Variants in GAS2L3 observed in about 807,000 individuals in gnomAD.
The protein encoded by GAS2L3 is GAS2-like protein 3.
GAS2L3 carries 28 observed loss-of-function variants against 37.0 expected under a neutral mutation model. The observed-to-expected ratio is 0.76, with a 90% CI of 0.56 to 1.04. The LOEUF is 1.04. Ranked by LOEUF, GAS2L3 falls within the 50% of genes least tolerant of loss-of-function variation. GAS2L3 has a pLI of 0.00. For missense variants in GAS2L3, 793 were observed against 817.6 expected, an observed-to-expected ratio of 0.97 and a Z score of 0.37; for synonymous variants, 290 against 296.6, an observed-to-expected ratio of 0.98 and a Z score of 0.23.
chr12:100,586,277 C>T (rs1425163644), intron 1 of GAS2L3, among the ~76,000 whole-genome samples: 1 of 152,192 alleles, frequency 6.6e-6, no homozygotes, highest in Non-Finnish European at 1.5e-5. Context: ...ACAGAATACA[C>T]ATTCTGTTCA....
chr12:100,616,831 A>G (rs999053644), intron 6 of GAS2L3, among the ~76,000 whole-genome samples: 1 of 152,144 alleles, frequency 6.6e-6, no homozygotes, highest in African/African-American at 2.4e-5. Flanking sequence ...CATAAATGCC[A>G]TGGCTACATC....
At chr12:100,621,982 G>A (rs774028045) in intron 8 of GAS2L3, among the ~76,000 whole-genome samples, 11 of 151,716 alleles carry the variant, frequency 7.3e-5, no homozygotes, top group South Asian at 6.2e-4. Flanking sequence ...CTGAAACCTG[G>A]CTCTGCTACT....
rs554208513 is a variant in GAS2L3, at chr12:100,625,357, C to T, written c.*467C>T. On this transcript the variant is annotated 3_prime_UTR_variant, in exon 10 of 10. Transcript: ENST00000547754. ...TTTGGCACTTGTCCTACAAAAGGCA[C>T]CTAATTTAATTTTCTGATCAGGATT... The T allele has an allele frequency of 6.5e-6, 1 of 153,704 alleles. No homozygotes were observed. Among genetic ancestry groups the T allele is most frequent in the Admixed American group, 6.4e-5 (1 of 15,662 alleles). The allele number at this position is 153,704 out of a possible 1,614,324, so 9.5% of individuals were successfully genotyped here.
intron 1 of GAS2L3, among the ~76,000 whole-genome samples, chr12:100,585,587 T>C (rs1027298511): frequency 6.6e-6 from 1 of 152,172 alleles, no homozygotes; most frequent in Non-Finnish European, 1.5e-5. Context: ...ATGCTGTGTA[T>C]CCAGCTTCAG....
At chr12:100,601,178 C>T (rs1049463430) in intron 4 of GAS2L3, among the ~76,000 whole-genome samples, 2 of 152,000 alleles carry the variant, frequency 1.3e-5, no homozygotes, top group Admixed American at 1.3e-4. Flanking sequence ...CAAATACCCA[C>T]TGTAGTTGTC....
At chr12:100,584,286 A>G (rs1955750549) in intron 1 of GAS2L3, among the ~76,000 whole-genome samples, 1 of 152,196 alleles carries the variant, frequency 6.6e-6, no homozygotes, top group Non-Finnish European at 1.5e-5. Context: ...GCTACTAGAA[A>G]GAGGTGAATC....
rs1039513176 is a variant in GAS2L3 at position 100,585,546 on chromosome 12, A to T, written c.-151-6190A>T. Among the ~76,000 whole-genome samples, 32 of 151,866 alleles carry T rather than the reference A, an allele frequency of 2.1e-4. 1 individual carries two copies. Among genetic ancestry groups the T allele is most frequent in the Admixed American group, 2.0e-3 (30 of 15,262 alleles). ...TGAGATTACAGGCGTGAGCCACCACACCCAGCCAACACAGCACTCTTGACC... is the reference window on the plus strand; with the variant it reads ...TGAGATTACAGGCGTGAGCCACCACTCCCAGCCAACACAGCACTCTTGACC... On this transcript the variant is annotated intron_variant, in intron 1 of 9. Transcript: ENST00000547754.
At chr12:100,622,847 C>A (rs1026184281) in intron 9 of GAS2L3, among the ~76,000 whole-genome samples, 2 of 132,424 alleles carry the variant, frequency 1.5e-5, no homozygotes, top group Non-Finnish European at 3.1e-5. Flanking sequence ...AAATATTTTT[C>A]TCATTGACAC....
At chr12:100,586,233 G>A (rs559601858) in intron 1 of GAS2L3, among the ~76,000 whole-genome samples, 1 of 152,246 alleles carries the variant, frequency 6.6e-6, no homozygotes, top group Admixed American at 6.5e-5. Flanking sequence ...GGACTTAACA[G>A]ATATATACAG....
At chr12:100,586,034 G>A (rs372573146) in intron 1 of GAS2L3, among the ~76,000 whole-genome samples, 7 of 151,768 alleles carry the variant, frequency 4.6e-5, no homozygotes, top group Admixed American at 2.0e-4. Context: ...TCTCTTCCTC[G>A]GATTTCCTTT....
At chr12:100,577,100 C>T (rs1033560903) in intron 1 of GAS2L3, among the ~76,000 whole-genome samples, 2 of 152,182 alleles carry the variant, frequency 1.3e-5, no homozygotes. Context: ...TTTAGAAAAG[C>T]ACTGTGATCC....
intron 4 of GAS2L3, 73 bp downstream of exon 4, chr12:100,600,623 T>A: frequency 8.4e-7 from 1 of 1,184,592 alleles, no homozygotes; most frequent in Non-Finnish European, 1.2e-6. Flanking sequence ...TTACTCTTTG[T>A]CAAGGAGTGA....
In GAS2L3 at chr12:100,587,176, G is replaced by C. The variant is rs1955791613; in HGVS notation, c.-151-4560G>C. On this transcript the variant is annotated intron_variant, in intron 1 of 9. Transcript: ENST00000547754. Reference sequence around the variant, plus strand: ...AAGAAGAATTGGTACCAATCCTTTTGACACAATTCCACAAGATAGAGAAAG... The same window carrying C: ...AAGAAGAATTGGTACCAATCCTTTTCACACAATTCCACAAGATAGAGAAAG... Among the ~76,000 whole-genome samples the C allele has an allele frequency of 2.0e-5, 3 of 152,202 alleles. No individual in the cohort carries two copies. The East Asian group carries it at 5.8e-4, about 29-fold the overall frequency.
At chr12:100,615,754 C>T (rs1041763006) in intron 6 of GAS2L3, among the ~76,000 whole-genome samples, 2 of 152,126 alleles carry the variant, frequency 1.3e-5, no homozygotes, top group African/African-American at 4.8e-5. Context: ...CCTGTTCTCT[C>T]CTTATTGAAT....
intron 5 of GAS2L3, among the ~76,000 whole-genome samples, chr12:100,604,287 G>C (rs1956028579): frequency 6.6e-6 from 1 of 151,430 alleles, no homozygotes; most frequent in Admixed American, 6.6e-5. Context: ...TTAGTGTTTT[G>C]TTTATTGTAG....
chr12:100,614,217 A>G (rs1376986573), intron 6 of GAS2L3, among the ~76,000 whole-genome samples: 1 of 152,150 alleles, frequency 6.6e-6, no homozygotes, highest in Non-Finnish European at 1.5e-5. Context: ...TAATCCCAGC[A>G]CTTTGGGAGG....
At chr12:100,591,315 A>C (rs1428602081) in intron 1 of GAS2L3, among the ~76,000 whole-genome samples, 1 of 152,146 alleles carries the variant, frequency 6.6e-6, no homozygotes, top group African/African-American at 2.4e-5. Context: ...AGAAATAAGT[A>C]TAACTTTTAG....
chr12:100,597,342 A>G (rs1955925832), intron 3 of GAS2L3, among the ~76,000 whole-genome samples: 1 of 152,156 alleles, frequency 6.6e-6, no homozygotes, highest in South Asian at 2.1e-4. Context: ...CAATTATTGA[A>G]CAAATATGTT....
At chr12:100,617,655 C>T (rs1258576949) in intron 6 of GAS2L3, 89 bp from the exon 7 acceptor site, 1 of 816,250 alleles carries the variant, frequency 1.2e-6, no homozygotes, top group East Asian at 2.5e-5. Context: ...CTTCATTATT[C>T]TTTTTTATTT....
Sources: allele counts gnomAD v4.1 joint callset (sites outside exome capture counted in the v4.1 genomes callset), GRCh38; gene constraint gnomAD v4.1.1; transcripts MANE v1.5; gene names NCBI Gene and HGNC (gene_info 2026-07-23, HGNC 2026-07-21).